TRAPPC9: variants seen among roughly 807,000 people sequenced by gnomAD.
TRAPPC9 encodes trafficking protein particle complex subunit 9.
Under a neutral mutation model 124.0 loss-of-function variants are expected in TRAPPC9, and 83 were observed. The ratio of observed to expected loss-of-function variants is 0.67; its 90% CI spans 0.56 to 0.80. TRAPPC9 has a LOEUF of 0.80. TRAPPC9 is among the 30% of genes least tolerant of loss of function. The pLI is 0.00. For missense variants in TRAPPC9, 1,302 were observed against 1,508.3 expected (o/e 0.86, Z 2.27); for synonymous variants, 638 against 617.5 (o/e 1.03, Z -0.49).
chr8:139,998,226 G>A (rs568961484), intron 18 of TRAPPC9, among the ~76,000 whole-genome samples: 1 of 152,322 alleles, frequency 6.6e-6, no homozygotes, highest in Admixed American at 6.5e-5. Flanking sequence ...TATCTTTCAG[G>A]AATAAAAGTA....
intron 20 of TRAPPC9, among the ~76,000 whole-genome samples, chr8:139,894,394 G>T (rs547081376): frequency 1.3e-5 from 2 of 152,210 alleles, no homozygotes; most frequent in South Asian, 2.1e-4. Context: ...TTCCAGGAGG[G>T]GTCAGCTCTG....
intron 4 of TRAPPC9, among the ~76,000 whole-genome samples, chr8:140,430,444 A>G (rs556003986): frequency 6.6e-6 from 1 of 152,224 alleles, no homozygotes; most frequent in African/African-American, 2.4e-5. Context: ...CAAGCTGGGC[A>G]TGTGAACCCC....
intron 19 of TRAPPC9, among the ~76,000 whole-genome samples, chr8:139,922,422 T>G (rs1046284774): frequency 3.9e-5 from 6 of 152,246 alleles, no homozygotes; most frequent in Admixed American, 3.9e-4. Flanking sequence ...GACCTCATGA[T>G]CCGCCTGCCT....
chr8:139,811,624 A>C lies in TRAPPC9; in HGVS notation c.3055+74255T>G, dbSNP rs949119394. Among the ~76,000 whole-genome samples, 6 of 152,230 alleles carry C rather than the reference A, an allele frequency of 3.9e-5. No homozygotes were observed. The East Asian group carries it at 1.2e-3, about 29-fold the overall frequency. On this transcript the variant is annotated intron_variant, in intron 21 of 22. Transcript: ENST00000438773. ...GAGCTCGGAATCTGGATGGCAGGGG[A>C]CTTCTCAATAGGGTGGAGGGAGCTT...
chr8:139,731,181 G>C lies in TRAPPC9; in HGVS notation c.3327C>G (p.Leu1109=). The change falls in exon 23 of 23, where the codon CTC becomes CTG. Residue 1109 remains leucine, a synonymous_variant. Coordinates refer to ENST00000438773, the MANE Select transcript of TRAPPC9 (RefSeq NM_001160372.4). Reference sequence around the variant, plus strand: ...TGTGGAGGAAGAAGTCTCCCGTGTAGAGGAAGAGGAGGGCCCCGAGGCAGG... The same window carrying C: ...TGTGGAGGAAGAAGTCTCCCGTGTACAGGAAGAGGAGGGCCCCGAGGCAGG... The part of the protein sequence containing the change: ...QSACLGALLF[L]YTGDFFLHIR... The C allele has an allele frequency of 6.2e-7, 1 of 1,613,880 alleles. No homozygotes were observed. Among genetic ancestry groups the C allele is most frequent in the Non-Finnish European group, 8.5e-7 (1 of 1,179,974 alleles).
At chr8:140,053,071 C>T (rs138942351) in intron 17 of TRAPPC9, among the ~76,000 whole-genome samples, 6 of 152,310 alleles carry the variant, frequency 3.9e-5, no homozygotes, top group African/African-American at 1.2e-4. Flanking sequence ...ACAGAATTCC[C>T]ACAAATGAAT....
intron 12 of TRAPPC9, among the ~76,000 whole-genome samples, chr8:140,288,845 G>A (rs2065564229): frequency 6.6e-6 from 1 of 152,236 alleles, no homozygotes; most frequent in African/African-American, 2.4e-5. Flanking sequence ...GAACACTGCT[G>A]AGATAAAGAA....
At chr8:140,152,864 A>G (rs910453063) in intron 17 of TRAPPC9, among the ~76,000 whole-genome samples, 3 of 151,976 alleles carry the variant, frequency 2.0e-5, no homozygotes, top group African/African-American at 7.3e-5. Context: ...TCCAACCTGG[A>G]TGCTGTTTAT....
intron 11 of TRAPPC9, among the ~76,000 whole-genome samples, chr8:140,299,397 G>C (rs2065902465): frequency 6.6e-6 from 1 of 152,194 alleles, no homozygotes; most frequent in South Asian, 2.1e-4. Flanking sequence ...AGAAAAGCAT[G>C]GTGGAAAAAG....
At chr8:140,044,641 C>T (rs574198253) in intron 17 of TRAPPC9, among the ~76,000 whole-genome samples, 12 of 152,350 alleles carry the variant, frequency 7.9e-5, no homozygotes, top group East Asian at 5.8e-4. Flanking sequence ...GTAAATGCTA[C>T]GGACGGAATA....
At chr8:139,741,516 T>C (rs889827081) in intron 21 of TRAPPC9, among the ~76,000 whole-genome samples, 1 of 152,164 alleles carries the variant, frequency 6.6e-6, no homozygotes, top group Non-Finnish European at 1.5e-5. Context: ...AGTAGCTTTA[T>C]CAAGATAAAA....
At chr8:139,965,450 A>T (rs1835638868) in intron 19 of TRAPPC9, among the ~76,000 whole-genome samples, 1 of 152,200 alleles carries the variant, frequency 6.6e-6, no homozygotes, top group Non-Finnish European at 1.5e-5. Flanking sequence ...CGTCCTCCTC[A>T]GGGGAGTCCA....
intron 20 of TRAPPC9, among the ~76,000 whole-genome samples, chr8:139,897,967 G>T (rs751154584): frequency 1.3e-5 from 2 of 152,274 alleles, no homozygotes; most frequent in Non-Finnish European, 2.9e-5. Context: ...TTTTTCTCCT[G>T]TGAGGTCACA....
chr8:140,332,408 T>C (rs1467774322), intron 9 of TRAPPC9, among the ~76,000 whole-genome samples: 2 of 152,136 alleles, frequency 1.3e-5, no homozygotes, highest in Non-Finnish European at 2.9e-5. Flanking sequence ...TATAGCACTG[T>C]AGGGTGACTA....
chr8:139,794,218 A>G (rs1822896032), intron 21 of TRAPPC9, among the ~76,000 whole-genome samples: 1 of 152,218 alleles, frequency 6.6e-6, no homozygotes, highest in Non-Finnish European at 1.5e-5. Flanking sequence ...CTGTGGTCCC[A>G]GCACCAAGAA....
At chr8:140,270,303 A>G (rs2064837138) in intron 15 of TRAPPC9, among the ~76,000 whole-genome samples, 1 of 152,110 alleles carries the variant, frequency 6.6e-6, no homozygotes, top group Non-Finnish European at 1.5e-5. Flanking sequence ...GCCGTGCCGC[A>G]CATTCAAAAT....
chr8:139,836,346 C>T (rs145481076), intron 21 of TRAPPC9, among the ~76,000 whole-genome samples: 1 of 152,232 alleles, frequency 6.6e-6, no homozygotes, highest in African/African-American at 2.4e-5. Flanking sequence ...AGCTCTCCAT[C>T]TCAGACCCCG....
At chr8:140,196,735 T>C (rs34863438) in intron 17 of TRAPPC9, among the ~76,000 whole-genome samples, 3 of 145,496 alleles carry the variant, frequency 2.1e-5, no homozygotes, top group South Asian at 4.4e-4. Flanking sequence ...CTACACAGCT[T>C]GCACCTGTGA....
intron 17 of TRAPPC9, among the ~76,000 whole-genome samples, chr8:140,219,064 C>G (rs1018534359): frequency 1.3e-5 from 2 of 152,124 alleles, no homozygotes; most frequent in Admixed American, 1.3e-4. Flanking sequence ...AATGATAAAA[C>G]AGCAGACCCG....
Sources: gnomAD v4.1 joint callset for allele counts (sites outside exome capture counted in the v4.1 genomes callset) on GRCh38, gnomAD v4.1.1 for gene constraint, MANE v1.5 for transcripts, NCBI Gene and HGNC (gene_info 2026-07-23, HGNC 2026-07-21) for gene names.